CASD1: variants seen among roughly 807,000 people sequenced by gnomAD.
CASD1 encodes N-acetylneuraminate (7)9-O-acetyltransferase.
A neutral mutation model predicts 100.0 loss-of-function variants in CASD1; 41 were observed. The ratio of observed to expected loss-of-function variants is 0.41; its 90% CI spans 0.32 to 0.53. The LOEUF (loss-of-function observed/expected upper bound fraction) is 0.53. Ranked by LOEUF, CASD1 falls within the 20% of genes least tolerant of loss-of-function variation. The pLI, the probability that CASD1 is intolerant of heterozygous loss-of-function variation, is 0.25. For missense variants in CASD1, 774 were observed against 948.7 expected, an observed-to-expected ratio of 0.82 and a Z score of 2.42; for synonymous variants, 321 against 315.6, an observed-to-expected ratio of 1.02 and a Z score of -0.18.
At chr7:94,568,596 T>A in the CASD1 span, among the ~76,000 whole-genome samples, 4 of 152,190 alleles carry the variant, frequency 2.6e-5, no homozygotes, top group Non-Finnish European at 4.4e-5. Context: ...AAAGACTTCC[T>A]AGGCATTGAT....
intron 1 of CASD1, among the ~76,000 whole-genome samples, chr7:94,515,614 C>G (rs7801134): frequency 1.3e-5 from 2 of 151,690 alleles, no homozygotes; most frequent in African/African-American, 2.4e-5. Context: ...AAAAACATAC[C>G]GGTAACCCAT....
intron 3 of CASD1, among the ~76,000 whole-genome samples, chr7:94,523,166 G>A (rs1794378118): frequency 6.6e-6 from 1 of 152,146 alleles, no homozygotes; most frequent in Non-Finnish European, 1.5e-5. Context: ...GTTCATTACT[G>A]CTGCTTCTGT....
At chr7:94,588,937 A>C in the CASD1 span, 1 of 588,562 alleles carries the variant, frequency 1.7e-6, no homozygotes, top group Non-Finnish European at 3.0e-6. Context: ...GATAACATGC[A>C]TGAAATTTTC....
chr7:94,598,751 T>C, the CASD1 span: 1 of 1,495,148 alleles, frequency 6.7e-7, no homozygotes, highest in South Asian at 1.1e-5. Context: ...ATATTAATAA[T>C]TATGGCTCTA....
chr7:94,586,397 A>G, the CASD1 span: 1 of 152,224 alleles, frequency 6.6e-6, no homozygotes, highest in African/African-American at 2.4e-5. Flanking sequence ...AGAAATTGAG[A>G]AATAAACTTT....
the CASD1 span, among the ~76,000 whole-genome samples, chr7:94,631,769 A>C: frequency 6.6e-6 from 1 of 151,960 alleles, no homozygotes; most frequent in South Asian, 2.1e-4. Context: ...ACTCCTGCTA[A>C]AAAGTCATTT....
chr7:94,579,693 G>A, the CASD1 span, among the ~76,000 whole-genome samples: 3 of 152,090 alleles, frequency 2.0e-5, no homozygotes, highest in Non-Finnish European at 4.4e-5. Flanking sequence ...ATGTTCAGAT[G>A]ACAAAATGAG....
chr7:94,600,397 T>G, the CASD1 span: 1 of 445,066 alleles, frequency 2.2e-6, no homozygotes, highest in Non-Finnish European at 4.1e-6. Context: ...TTGGGACTGT[T>G]TTGCCAGTGT....
rs187003085 is a variant in CASD1 at position 94,551,952 on chromosome 7, A to G, written c.1957-398A>G. 4 of 172,220 alleles carry G rather than the reference A, an allele frequency of 2.3e-5. No individual in the cohort carries two copies. In the East Asian group the frequency reaches 5.3e-4, roughly 23 times the overall value. 10.7% of individuals were successfully genotyped at this position (172,220 alleles called of 1,614,324 possible). On this transcript the variant is annotated intron_variant, in intron 15 of 17. Coordinates refer to ENST00000297273, the MANE Select transcript of CASD1 (RefSeq NM_022900.5). ...TGCTTGAGGCGATGTATATCTCCTT[A>G]TTTTTCTAACTGGACTTAAATTCTA...
At chr7:94,613,997 A>G in the CASD1 span, among the ~76,000 whole-genome samples, 1 of 152,058 alleles carries the variant, frequency 6.6e-6, no homozygotes, top group African/African-American at 2.4e-5. Context: ...AAACAAGTGA[A>G]AAAGTCACCA....
the CASD1 span, among the ~76,000 whole-genome samples, chr7:94,591,769 C>T: frequency 3.3e-5 from 5 of 151,252 alleles, no homozygotes; most frequent in Admixed American, 6.6e-5. Context: ...CTTTCTAAAT[C>T]ACAATGGGCT....
At chr7:94,604,122 A>C in the CASD1 span, among the ~76,000 whole-genome samples, 1 of 152,116 alleles carries the variant, frequency 6.6e-6, no homozygotes, top group Non-Finnish European at 1.5e-5. Context: ...ATGGGGAAAG[A>C]TCTCTACTTA....
chr7:94,605,827 ATTTTATTTTAT>A, the CASD1 span, among the ~76,000 whole-genome samples: 8 of 151,990 alleles, frequency 5.3e-5, no homozygotes, highest in East Asian at 1.3e-3. Flanking sequence ...TTTATATTTT[ATTTTATTTTAT>A]TTTTATTTTA....
At chr7:94,628,161 C>CAA in the CASD1 span, 1 of 1,488,784 alleles carries the variant, frequency 6.7e-7, no homozygotes, top group Admixed American at 1.7e-5. Flanking sequence ...CACACACACA[C>CAA]ACATATATGT....
the CASD1 span, among the ~76,000 whole-genome samples, chr7:94,568,778 GA>G: frequency 7.9e-5 from 12 of 152,148 alleles, no homozygotes; most frequent in Non-Finnish European, 1.8e-4. Flanking sequence ...CCTTATAAAA[GA>G]AGCCCCAGAG....
chr7:94,600,483 A>G, the CASD1 span: 1 of 606,090 alleles, frequency 1.6e-6, no homozygotes, highest in South Asian at 2.0e-5. Flanking sequence ...ACTCAAAACT[A>G]TTTTAATTCA....
the CASD1 span, among the ~76,000 whole-genome samples, chr7:94,602,618 C>T: frequency 6.6e-6 from 1 of 151,790 alleles, no homozygotes; most frequent in Non-Finnish European, 1.5e-5. Context: ...AACAACTCTC[C>T]TGCTTTTCAG....
At chr7:94,529,851 A>G (rs2116288767) in intron 5 of CASD1, among the ~76,000 whole-genome samples, 1 of 152,296 alleles carries the variant, frequency 6.6e-6, no homozygotes, top group South Asian at 2.1e-4. Flanking sequence ...AGAAAATTTT[A>G]TAGAGGAAAT....
At chr7:94,537,214 G>A (rs967492431) in intron 8 of CASD1, among the ~76,000 whole-genome samples, 2 of 151,924 alleles carry the variant, frequency 1.3e-5, no homozygotes, top group Non-Finnish European at 2.9e-5. Flanking sequence ...GATAGGTATT[G>A]TTTCCTGTAA....
Sources: allele counts gnomAD v4.1 joint callset (sites outside exome capture counted in the v4.1 genomes callset), GRCh38; gene constraint gnomAD v4.1.1; transcripts MANE v1.5; gene names NCBI Gene and HGNC (gene_info 2026-07-23, HGNC 2026-07-21).